Variants in ANK2 observed in about 807,000 individuals in gnomAD.
ANK2 encodes the protein ankyrin-2.
In ANK2, 83 loss-of-function variants were observed where a neutral mutation model predicts 360.5. The observed-to-expected ratio is 0.23, with a 90% CI of 0.19 to 0.28. The LOEUF is 0.28. Ranked by LOEUF, ANK2 falls within the 10% of genes least tolerant of loss-of-function variation. The pLI, the probability that ANK2 is intolerant of heterozygous loss-of-function variation, is 1.00. For missense variants in ANK2, 4,201 were observed against 4,795.7 expected, an observed-to-expected ratio of 0.88 and a Z score of 3.66; for synonymous variants, 1,740 against 1,759.5, an observed-to-expected ratio of 0.99 and a Z score of 0.28.
At chr4:112,898,535 T>C (rs1417423765) in intron 1 of ANK2, among the ~76,000 whole-genome samples, 4 of 152,180 alleles carry the variant, frequency 2.6e-5, no homozygotes, top group African/African-American at 9.6e-5. Flanking sequence ...ACTGTGAACA[T>C]GACAGTGCTG....
intron 1 of ANK2, among the ~76,000 whole-genome samples, chr4:112,897,478 T>C (rs1227156867): frequency 6.6e-6 from 1 of 152,174 alleles, no homozygotes. Flanking sequence ...AGCCTCTTTA[T>C]TTTTTACATT....
At chr4:113,176,569 T>C in intron 2 of ANK2, among the ~76,000 whole-genome samples, 1 of 152,114 alleles carries the variant, frequency 6.6e-6, no homozygotes, top group East Asian at 1.9e-4. Flanking sequence ...TATGGACTTA[T>C]TCTATAAAAT....
chr4:113,372,499 G>A (rs1283596095), intron 43 of ANK2: 1 of 1,370,760 alleles, frequency 7.3e-7, no homozygotes, highest in Non-Finnish European at 1.0e-6. Context: ...TCCTTAGCAT[G>A]TTAAACAAAG....
chr4:112,802,408 C>T, the ANK2 span, among the ~76,000 whole-genome samples: 1 of 152,142 alleles, frequency 6.6e-6, no homozygotes, highest in African/African-American at 2.4e-5. Context: ...GCTGAGGGTG[C>T]ACTGTTTTAT....
intron 4 of ANK2, among the ~76,000 whole-genome samples, chr4:113,231,308 T>TC (rs1470716630): frequency 2.6e-5 from 4 of 152,106 alleles, no homozygotes; most frequent in African/African-American, 9.7e-5. Flanking sequence ...CACCTCGACC[T>TC]CCCAAAGTGC....
At chr4:112,993,554 C>T (rs2047571371) in intron 2 of ANK2, among the ~76,000 whole-genome samples, 1 of 151,982 alleles carries the variant, frequency 6.6e-6, no homozygotes, top group Non-Finnish European at 1.5e-5. Context: ...GATCCACCCG[C>T]CTCGGCCTCC....
intron 1 of ANK2, among the ~76,000 whole-genome samples, chr4:112,843,421 A>T (rs1284179210): frequency 6.6e-6 from 1 of 152,218 alleles, no homozygotes; most frequent in Non-Finnish European, 1.5e-5. Flanking sequence ...TGCGAGAACA[A>T]CATTTTCCAA....
In ANK2 at chr4:113,098,750, A is replaced by C. The variant is rs1359024979; in HGVS notation, c.84+48938A>C. 2.6e-5 allele frequency among the ~76,000 whole-genome samples: 4 copies of C among 152,052 alleles called. 1 individual carries two copies. The East Asian group carries it at 7.7e-4, about 29-fold the overall frequency. The stretch of plus-strand genomic sequence containing the variant: ...GGACAAGAAAGGAAAACTACAGACC[A>C]ATATCTGTCATGAAAATAATGTAAA... On this transcript the variant is annotated intron_variant, in intron 1 of 45. Coordinates refer to ENST00000357077, the MANE Select transcript of ANK2 (RefSeq NM_001148.6).
chr4:113,028,919 G>C (rs563010846), intron 2 of ANK2, among the ~76,000 whole-genome samples: 3 of 152,150 alleles, frequency 2.0e-5, no homozygotes, highest in Non-Finnish European at 4.4e-5. Context: ...CCTCAGGTAG[G>C]GGATTGAAGT....
At chr4:112,970,055 C>T (rs1055937777) in intron 2 of ANK2, among the ~76,000 whole-genome samples, 4 of 151,920 alleles carry the variant, frequency 2.6e-5, no homozygotes, top group Admixed American at 2.6e-4. Context: ...GCTATCTCGG[C>T]TCACTGCAAC....
chr4:113,005,252 A>C (rs1364254130), intron 2 of ANK2, among the ~76,000 whole-genome samples: 1 of 118,358 alleles, frequency 8.4e-6, no homozygotes, highest in African/African-American at 2.8e-5. Context: ...TATCCAAAGG[A>C]AAAAAAAATC....
At chr4:112,862,733 T>C (rs893614344) in intron 1 of ANK2, among the ~76,000 whole-genome samples, 2 of 152,174 alleles carry the variant, frequency 1.3e-5, no homozygotes, top group African/African-American at 4.8e-5. Flanking sequence ...TGGAAAACAT[T>C]TTTAAGGCAT....
At chr4:112,710,874 G>GA in the ANK2 span, among the ~76,000 whole-genome samples, 1 of 146,472 alleles carries the variant, frequency 6.8e-6, no homozygotes, top group Non-Finnish European at 1.5e-5. Context: ...AGAATGAATG[G>GA]GTTAATGGAG....
intron 2 of ANK2, among the ~76,000 whole-genome samples, chr4:112,917,449 C>T (rs2090212531): frequency 6.6e-6 from 1 of 152,128 alleles, no homozygotes. Flanking sequence ...GCGGCTGATA[C>T]AAACTGTAGG....
intron 1 of ANK2, among the ~76,000 whole-genome samples, chr4:113,097,864 G>GTATATATATA (rs1369796742): frequency 2.9e-5 from 4 of 136,550 alleles, no homozygotes; most frequent in African/African-American, 1.1e-4. Flanking sequence ...GTGTGTGTGT[G>GTATATATATA]TGTATATATA....
the ANK2 span, among the ~76,000 whole-genome samples, chr4:112,708,207 G>A: frequency 6.6e-6 from 1 of 152,138 alleles, no homozygotes; most frequent in Non-Finnish European, 1.5e-5. Flanking sequence ...CATTCACATT[G>A]TATTTTAACT....
At chr4:112,813,747 G>A (rs972427169), upstream of ANK2, among the ~76,000 whole-genome samples, 14 of 152,082 alleles carry the variant, frequency 9.2e-5, no homozygotes, top group South Asian at 8.3e-4. Context: ...TGTTGCCTAG[G>A]CTGGTCTCAA....
At chr4:113,190,061 A>G (rs2098632032) in intron 2 of ANK2, among the ~76,000 whole-genome samples, 1 of 152,168 alleles carries the variant, frequency 6.6e-6, no homozygotes, top group Admixed American at 6.5e-5. Flanking sequence ...TCTTAGAAAC[A>G]CAGAATTTTG....
chr4:113,156,913 A>G (rs2097324200), intron 1 of ANK2, among the ~76,000 whole-genome samples: 1 of 151,874 alleles, frequency 6.6e-6, no homozygotes, highest in East Asian at 1.9e-4. Context: ...CTTCCATTAC[A>G]TAAAGGCTAG....
Sources: allele counts gnomAD v4.1 joint callset (sites outside exome capture counted in the v4.1 genomes callset), GRCh38; gene constraint gnomAD v4.1.1; transcripts MANE v1.5; gene names NCBI Gene and HGNC (gene_info 2026-07-23, HGNC 2026-07-21).